SAE1: variants seen among roughly 807,000 people sequenced by gnomAD.
SAE1 encodes the protein SUMO1 activating enzyme subunit 1.
Under a neutral mutation model 40.6 loss-of-function variants are expected in SAE1, and 11 were observed. That is an observed-to-expected ratio of 0.27 (90% CI 0.17 to 0.45). The LOEUF is 0.45. Ranked by LOEUF, SAE1 falls within the 20% of genes least tolerant of loss-of-function variation. The probability of loss-of-function intolerance (pLI) is 1.00; values close to 1 mark genes in which losing one functional copy is unlikely to be tolerated. For synonymous variants in SAE1, 155 were observed against 154.3 expected (o/e 1.00, Z -0.03); for missense variants, 373 against 427.3 (o/e 0.87, Z 1.12).
chr19:47,174,031 G>A (rs1445927586), intron 6 of SAE1, among the ~76,000 whole-genome samples: 2 of 151,808 alleles, frequency 1.3e-5, no homozygotes, highest in East Asian at 3.9e-4. Flanking sequence ...TGATCCACCC[G>A]CCTCGGCCTC....
rs142823267 is a variant in SAE1, at chr19:47,148,820, G to C, written c.211-1382G>C. On this transcript the variant is annotated intron_variant, in intron 2 of 8. Coordinates refer to ENST00000270225, the MANE Select transcript of SAE1 (RefSeq NM_005500.3). ...GTAGAGATGGGGTTTCACCATGTTG[G>C]TCAGGCTGGTTTTGAACTCTGGACC... is the stretch of plus-strand genomic sequence containing the variant. Among the ~76,000 whole-genome samples the C allele has an allele frequency of 5.5e-4, 82 of 149,744 alleles. 2 individuals are homozygous for C. In the East Asian group the frequency reaches 0.015, roughly 27 times the overall value.
chr19:47,179,484 G>T (rs1368707241), intron 6 of SAE1, among the ~76,000 whole-genome samples: 1 of 151,352 alleles, frequency 6.6e-6, no homozygotes, highest in Non-Finnish European at 1.5e-5. Flanking sequence ...TCCAGCCTGG[G>T]TGACAGAGCA....
At chr19:47,142,991 G>T (rs936668611) in intron 1 of SAE1, among the ~76,000 whole-genome samples, 1 of 152,168 alleles carries the variant, frequency 6.6e-6, no homozygotes, top group Non-Finnish European at 1.5e-5. Flanking sequence ...AAGGATGCCT[G>T]GCATAGTTGG....
At chr19:47,156,894 C>T (rs536835962) in intron 5 of SAE1, among the ~76,000 whole-genome samples, 3 of 151,938 alleles carry the variant, frequency 2.0e-5, no homozygotes, top group African/African-American at 7.3e-5. Context: ...GGGAACCATG[C>T]GATGGGGAAA....
intron 1 of SAE1, among the ~76,000 whole-genome samples, chr19:47,132,135 G>C (rs963417113): frequency 2.6e-5 from 4 of 151,604 alleles, no homozygotes; most frequent in Non-Finnish European, 5.9e-5. Context: ...GCTAATTTTT[G>C]TATTTTTAGT....
chr19:47,192,894 C>CT (rs1402830561), intron 6 of SAE1, among the ~76,000 whole-genome samples: 3 of 152,084 alleles, frequency 2.0e-5, no homozygotes, highest in African/African-American at 7.2e-5. Context: ...ACAGGCAGTA[C>CT]TTGCCACTTC....
chr19:47,201,129 C>T (rs2058651754), intron 7 of SAE1, among the ~76,000 whole-genome samples: 1 of 151,858 alleles, frequency 6.6e-6, no homozygotes, highest in Non-Finnish European at 1.5e-5. Flanking sequence ...GCAACCTCCG[C>T]CTCTGTGCTC....
At chr19:47,149,187 T>G (rs1445385095) in intron 2 of SAE1, among the ~76,000 whole-genome samples, 2 of 147,022 alleles carry the variant, frequency 1.4e-5, no homozygotes, top group Non-Finnish European at 3.0e-5. Flanking sequence ...TTTTTTTTTT[T>G]TGAGACGGAG....
rs1885674426 is a variant in SAE1 at position 47,209,182 on chromosome 19, T to C, written c.972T>C (p.Pro324=). 4 of 1,614,016 alleles carry C rather than the reference T, an allele frequency of 2.5e-6. No homozygotes were observed. The East Asian group carries it at 6.7e-5, about 27-fold the overall frequency. Residue 324 remains proline, a synonymous_variant, in exon 9 of 9, where the codon CCT becomes CCC. Transcript: ENST00000270225. The part of the protein sequence containing the change: ...IVKALSQRDP[P]HNNFFFFDGM... ...AGGCCCTGTCTCAGCGGGACCCTCC[T>C]CACAACAACTTCTTCTTCTTCGATG...
chr19:47,166,991 G>T (rs1273361713), intron 5 of SAE1, among the ~76,000 whole-genome samples: 7 of 151,208 alleles, frequency 4.6e-5, no homozygotes, highest in Admixed American at 4.6e-4. Flanking sequence ...TCACCTTGTT[G>T]CCCAGGCTGG....
At chr19:47,140,087 G>A (rs1439209411) in intron 1 of SAE1, among the ~76,000 whole-genome samples, 11 of 150,670 alleles carry the variant, frequency 7.3e-5, no homozygotes, top group Non-Finnish European at 1.3e-4. Context: ...ACAGGCGCCT[G>A]CCACCACTCC....
intron 6 of SAE1, among the ~76,000 whole-genome samples, chr19:47,179,009 C>T (rs1472900079): frequency 6.6e-6 from 1 of 151,470 alleles, no homozygotes; most frequent in Admixed American, 6.6e-5. Context: ...CTGGCTGACA[C>T]GGTGAAACCT....
intron 7 of SAE1, 96 bp from the exon 8 acceptor site, chr19:47,203,574 GT>G: frequency 9.4e-7 from 1 of 1,059,348 alleles, no homozygotes; most frequent in South Asian, 1.3e-5. Flanking sequence ...GCTAGAAGTT[GT>G]TTTTATTCAG....
intron 6 of SAE1, among the ~76,000 whole-genome samples, chr19:47,172,949 A>G (rs1266123044): frequency 6.6e-6 from 1 of 152,184 alleles, no homozygotes; most frequent in Non-Finnish European, 1.5e-5. Flanking sequence ...ATTTAAAGTC[A>G]GTGGCTCAAG....
At position 47,188,209 on chromosome 19, in the gene SAE1, G is replaced by T. The variant is rs1191792137; in HGVS notation, c.734-9024G>T. On this transcript the variant is annotated intron_variant, in intron 6 of 8. Transcript: ENST00000270225. ...ACAAAAAATAAAAAATGAACCACCA[G>T]GCATGGTGGTGCATGCCTGTAGTCC... Among the ~76,000 whole-genome samples the T allele has an allele frequency of 1.6e-4, 25 of 152,026 alleles. 1 individual carries two copies. Among genetic ancestry groups the T allele is most frequent in the Admixed American group, 1.6e-3 (25 of 15,250 alleles).
At chr19:47,180,344 T>C (rs1382248732) in intron 6 of SAE1, 8 of 449,040 alleles carry the variant, frequency 1.8e-5, no homozygotes, top group Non-Finnish European at 3.1e-5. Flanking sequence ...AGTAAGGAAG[T>C]GCTCTAAGAA....
intron 6 of SAE1, among the ~76,000 whole-genome samples, chr19:47,173,685 CA>C (rs1021396096): frequency 6.6e-6 from 1 of 151,944 alleles, no homozygotes; most frequent in African/African-American, 2.4e-5. Context: ...GCTCTAACAT[CA>C]AAAAATGTTT....
At chr19:47,144,060 G>A (rs1218034952) in intron 2 of SAE1, among the ~76,000 whole-genome samples, 14 of 152,134 alleles carry the variant, frequency 9.2e-5, no homozygotes, top group Admixed American at 6.6e-4. Context: ...AGGGCTGGAC[G>A]CAGTGGCTCA....
At chr19:47,131,471 C>CGGGAGCTTACACTCTTGT (rs1274418971) in intron 1 of SAE1, among the ~76,000 whole-genome samples, 1 of 151,954 alleles carries the variant, frequency 6.6e-6, no homozygotes, top group African/African-American at 2.4e-5. Context: ...ACCGGACAGA[C>CGGGAGCTTACACTCTTGT]GGGAGCTTAC....
Sources: gnomAD v4.1 joint callset for allele counts (sites outside exome capture counted in the v4.1 genomes callset) on GRCh38, gnomAD v4.1.1 for gene constraint, MANE v1.5 for transcripts, NCBI Gene and HGNC (gene_info 2026-07-23, HGNC 2026-07-21) for gene names.